Variants in FAM120C observed in about 807,000 individuals in gnomAD.
FAM120C encodes the protein constitutive coactivator of PPAR-gamma-like protein 2.
FAM120C carries 14 observed loss-of-function variants against 71.2 expected under a neutral mutation model. The observed-to-expected ratio is 0.20, with a 90% confidence interval of 0.13 to 0.31. FAM120C has a LOEUF of 0.31. FAM120C is among the 10% of genes least tolerant of loss of function. FAM120C has a pLI of 1.00. For synonymous variants in FAM120C, 354 were observed against 353.2 expected (o/e 1.00, Z -0.03); for missense variants, 500 against 879.0 (o/e 0.57, Z 5.45).
intron 6 of FAM120C, 113 bp downstream of exon 6, chrX:54,135,415 T>A (rs185591178): frequency 7.6e-6 from 5 of 661,779 alleles, no homozygotes; most frequent in Non-Finnish European, 1.1e-5. Context: ...GGTAATATAG[T>A]ATATATAGCC....
At chrX:54,114,853 T>C (rs2066959333) in intron 10 of FAM120C, among the ~76,000 whole-genome samples, 1 of 111,519 alleles carries the variant, frequency 9.0e-6, no homozygotes, top group Admixed American at 9.7e-5. Flanking sequence ...GTTCAAGCGA[T>C]TCTCCTGCCT....
At chrX:54,110,263 C>A (rs2066929796) in intron 10 of FAM120C, among the ~76,000 whole-genome samples, 1 of 109,060 alleles carries the variant, frequency 9.2e-6, no homozygotes, top group East Asian at 2.9e-4. Context: ...GCTGGGATGA[C>A]AGGCATAAAC....
At chrX:54,082,597 CAG>C (rs1332084067) in intron 13 of FAM120C, among the ~76,000 whole-genome samples, 1 of 108,806 alleles carries the variant, frequency 9.2e-6, no homozygotes, top group East Asian at 3.0e-4. Flanking sequence ...TTAGTAGAGA[CAG>C]GGGTTCACCG....
intron 1 of FAM120C, among the ~76,000 whole-genome samples, chrX:54,160,885 C>T (rs1357114373): frequency 9.0e-6 from 1 of 111,116 alleles, no homozygotes; most frequent in Admixed American, 9.7e-5. Flanking sequence ...TTTTTTTCAA[C>T]TCAACTATCT....
At chrX:54,171,465 C>T (rs782134573) in intron 1 of FAM120C, 4 of 112,355 alleles carry the variant, frequency 3.6e-5, no homozygotes, top group South Asian at 3.7e-4. Flanking sequence ...GGTGTTTATA[C>T]ATGCAAAATA....
At chrX:54,174,030 T>C (rs782692364) in intron 1 of FAM120C, 6 of 495,467 alleles carry the variant, frequency 1.2e-5, no homozygotes, top group African/African-American at 7.0e-5. Flanking sequence ...ATTCAGTTCC[T>C]TGCAGGCTGT....
intron 4 of FAM120C, among the ~76,000 whole-genome samples, chrX:54,146,496 CAT>C (rs1197529396): frequency 9.1e-6 from 1 of 110,149 alleles, no homozygotes; most frequent in Non-Finnish European, 1.9e-5. Flanking sequence ...GCCTGGGTAA[CAT>C]AGCGGGACCT....
chrX:54,099,203 G>A (rs1557123809), intron 10 of FAM120C, among the ~76,000 whole-genome samples: 1 of 109,003 alleles, frequency 9.2e-6, no homozygotes. Flanking sequence ...TTTTGTAGAG[G>A]TGGGGTCTTG....
Position 54,159,434 on chromosome X carries a change from C to A in FAM120C, c.882G>T (p.Met294Ile). ...GGCCCAGCTGCTTGGCTACTTCTTGCATCAGGAACTGGTTGGTAGTGAGGT... is the reference window on the plus strand; with the variant it reads ...GGCCCAGCTGCTTGGCTACTTCTTGAATCAGGAACTGGTTGGTAGTGAGGT... Reference protein sequence around the residue: ...GKNLTTNQFLMQEVAKQLGLK... With the variant: ...GKNLTTNQFLIQEVAKQLGLK... Residue 294 changes from methionine to isoleucine, a missense_variant, in exon 2 of 16, where the codon ATG (methionine) becomes ATT (isoleucine). Coordinates refer to ENST00000375180, the MANE Select transcript of FAM120C (RefSeq NM_017848.6). 1 of 1,211,429 alleles carries A rather than the reference C, an allele frequency of 8.3e-7. No homozygotes were observed. The highest frequency in any genetic ancestry group is 1.1e-6 in the Non-Finnish European group (1 of 895,284).
At chrX:54,130,376 T>C (rs1376438968) in intron 9 of FAM120C, among the ~76,000 whole-genome samples, 1 of 111,934 alleles carries the variant, frequency 8.9e-6, no homozygotes, top group Admixed American at 9.5e-5. Context: ...GTGAAATCCT[T>C]GTCAGATAAT....
chrX:54,136,155 C>T (rs973540803), intron 5 of FAM120C, among the ~76,000 whole-genome samples: 4 of 111,277 alleles, frequency 3.6e-5, no homozygotes, highest in Non-Finnish European at 7.5e-5. Context: ...CCTGCCACCA[C>T]GCCCAGCTAA....
chrX:54,097,947 C>T (rs1392837406), intron 10 of FAM120C, among the ~76,000 whole-genome samples: 2 of 110,727 alleles, frequency 1.8e-5, no homozygotes, highest in Non-Finnish European at 3.8e-5. Flanking sequence ...AGGATGGTCT[C>T]GATCTCCTGG....
chrX:54,168,926 A>T (rs1569533822), intron 1 of FAM120C, among the ~76,000 whole-genome samples: 1 of 112,077 alleles, frequency 8.9e-6, no homozygotes, highest in African/African-American at 3.2e-5. Flanking sequence ...AAACTTAAGT[A>T]ACTTGCCCCA....
At chrX:54,109,668 G>A (rs985950241) in intron 10 of FAM120C, among the ~76,000 whole-genome samples, 11 of 106,339 alleles carry the variant, frequency 1.0e-4, no homozygotes, top group Admixed American at 4.1e-4. Context: ...TGAGAAGTGC[G>A]GGTTTCTGGT....
rs1557121917 is a variant in FAM120C at position 54,085,859 on chromosome X, T to C, written c.2695A>G (p.Met899Val). ...MRQSILEGVN[M>V]NHPPPSALLP... ...AGAGCAGAAGGCGGTGGATGATTCATGTTGACTCCTTCAAGGATGCTCTGT... is the reference window on the plus strand; with the variant it reads ...AGAGCAGAAGGCGGTGGATGATTCACGTTGACTCCTTCAAGGATGCTCTGT... The change falls in exon 13 of 16, where the codon ATG (methionine) becomes GTG (valine). Residue 899 changes from methionine to valine, a missense_variant. Transcript: ENST00000375180. 3 of 1,211,689 alleles carry C rather than the reference T, an allele frequency of 2.5e-6. No individual in the cohort carries two copies. The highest frequency in any genetic ancestry group is 3.4e-6 in the Non-Finnish European group (3 of 895,485).
In FAM120C at chrX:54,072,015, TACAC is replaced by T. The variant is rs1192685699; in HGVS notation, c.*1014_*1017del. 6 of 104,433 alleles carry T rather than the reference TACAC, an allele frequency of 5.7e-5. No individual in the cohort carries two copies. Among genetic ancestry groups the T allele is most frequent in the East Asian group, 3.0e-4 (1 of 3,279 alleles). 8.6% of individuals were successfully genotyped at this position (104,433 alleles called of 1,213,427 possible). ...ATATATACACACATATATACACACA[TACAC>T]ACACACTTACATATATATAAAATAT... On this transcript the variant is annotated 3_prime_UTR_variant, in exon 16 of 16. Coordinates refer to ENST00000375180, the MANE Select transcript of FAM120C (RefSeq NM_017848.6).
In FAM120C at chrX:54,072,159, T is replaced by TCACACACA. The variant is rs60802365; in HGVS notation, c.*866_*873dup. On this transcript the variant is annotated 3_prime_UTR_variant, in exon 16 of 16. Coordinates refer to ENST00000375180, the MANE Select transcript of FAM120C (RefSeq NM_017848.6). ...CCCACACCCACACACAAGCACACAT[T>TCACACACA]CACACACACACACACACACACACAC... 3,391 of 71,305 alleles carry TCACACACA rather than the reference T, an allele frequency of 0.048. 176 individuals are homozygous for TCACACACA. Among genetic ancestry groups the TCACACACA allele is most frequent in the East Asian group, 0.17 (315 of 1,900 alleles). 5.9% of individuals were successfully genotyped at this position (71,305 alleles called of 1,213,427 possible). A position where few individuals can be genotyped will look rare whatever the true frequency, so the allele number is the denominator to read the frequency against.
At position 54,134,062 on chromosome X, in the gene FAM120C, A is replaced by G; in HGVS notation, c.1617-16T>C. On this transcript the variant is annotated splice_polypyrimidine_tract_variant and intron_variant, in intron 7 of 15. Coordinates refer to ENST00000375180, the MANE Select transcript of FAM120C (RefSeq NM_017848.6). ...TGTGATATGACTAAAAAATGTAGAA[A>G]GACAGTGTCAAACAGAAAAGGGAGA... The G allele has an allele frequency of 8.3e-7, 1 of 1,199,206 alleles. No individual in the cohort carries two copies. Among genetic ancestry groups the G allele is most frequent in the Non-Finnish European group, 1.1e-6 (1 of 889,128 alleles).
At chrX:54,131,926 T>C (rs2067069660) in intron 9 of FAM120C, among the ~76,000 whole-genome samples, 1 of 107,474 alleles carries the variant, frequency 9.3e-6, no homozygotes, top group Non-Finnish European at 1.9e-5. Flanking sequence ...TTTTTTTTTG[T>C]ATTTTTTAGT....
Sources: allele counts gnomAD v4.1 joint callset (sites outside exome capture counted in the v4.1 genomes callset), GRCh38; gene constraint gnomAD v4.1.1; transcripts MANE v1.5; gene names NCBI Gene and HGNC (gene_info 2026-07-23, HGNC 2026-07-21).